MLLT6: variants seen among roughly 807,000 people sequenced by gnomAD.
The protein encoded by MLLT6 is protein AF-17.
MLLT6 carries 22 observed loss-of-function variants against 103.0 expected under a neutral mutation model. The observed-to-expected ratio is 0.21, with a 90% CI of 0.15 to 0.31. The LOEUF is 0.31. Among genes scored for constraint, MLLT6 ranks in the 10% least tolerant of loss-of-function variants. The probability of loss-of-function intolerance (pLI) is 1.00; values close to 1 mark genes in which losing one functional copy is unlikely to be tolerated. For missense variants in MLLT6, 1,199 were observed against 1,441.7 expected (o/e 0.83, Z 2.73); for synonymous variants, 606 against 623.5 (o/e 0.97, Z 0.42).
In MLLT6 at chr17:38,716,273, G is replaced by C; in HGVS notation, c.1037-94G>C. On this transcript the variant is annotated intron_variant, in intron 9 of 19. Coordinates refer to ENST00000621332, the MANE Select transcript of MLLT6 (RefSeq NM_005937.4). This position sits in a 1 kb window ranked among gnomAD's most constrained non-coding sequence, Gnocchi z 5.6. ...GACAGGAAACCAGGCATCCCCATTC[G>C]TGGACCAGAGCTCTCTCCCGCCAGT... 7.5e-7 allele frequency: 1 copy of C among 1,341,928 alleles called. No individual in the cohort carries two copies. Among genetic ancestry groups the C allele is most frequent in the Non-Finnish European group, 1.0e-6 (1 of 970,276 alleles). The allele number at this position is 1,341,928 out of a possible 1,614,324, so 83.1% of individuals were successfully genotyped here.
At chr17:38,706,631 C>G (rs777250132) in intron 1 of MLLT6, 12 of 274,210 alleles carry the variant, frequency 4.4e-5, no homozygotes, top group Non-Finnish European at 6.1e-5. Context: ...CTGGTTTTCT[C>G]TATTTCTGAT....
rs1178224781 is a variant in MLLT6 at position 38,716,824 on chromosome 17, G to C, written c.1494G>C (p.Leu498Phe). 1.2e-6 allele frequency: 2 copies of C among 1,612,208 alleles called. No individual in the cohort carries two copies. The highest frequency in any genetic ancestry group is 1.7e-6 in the Non-Finnish European group (2 of 1,179,166). ...EGTGGPAAPS[L>F]PSAQLAGFTA... ...CTGGGGGCCCAGCTGCCCCATCCTT[G>C]CCCAGTGCCCAGCTGGCTGGCTTTA... Residue 498 changes from leucine (L) to phenylalanine (F), a missense_variant, in exon 10 of 20, where the codon TTG becomes TTC. Physicochemically the swap from Leu to Phe is conservative, Grantham distance 22. Transcript: ENST00000621332. The surrounding 1 kb of genome is among the most constrained non-coding windows in gnomAD (Gnocchi z 5.6).
chr17:38,710,236 A>G lies in MLLT6; in HGVS notation c.552+661A>G, dbSNP rs546206749. Among the ~76,000 whole-genome samples the G allele has an allele frequency of 1.4e-4, 22 of 152,286 alleles. No homozygotes were observed. The East Asian group carries it at 4.2e-3, about 29-fold the overall frequency. ...GAAGAGGCAGGAGATGAAGTGAGAA[A>G]GCAGAGCCCGAGCTGGGCTTGCCTC... is the stretch of plus-strand genomic sequence containing the variant. On this transcript the variant is annotated intron_variant, in intron 6 of 19. Coordinates refer to ENST00000621332, the MANE Select transcript of MLLT6 (RefSeq NM_005937.4).
At chr17:38,713,249 C>A in intron 8 of MLLT6, 1 of 512,606 alleles carries the variant, frequency 2.0e-6, no homozygotes, top group Non-Finnish European at 3.5e-6. Flanking sequence ...GCATGGGGGG[C>A]AGGCCCCTGG....
At position 38,705,547 on chromosome 17, in the gene MLLT6, C is replaced by T. The variant is rs1187880440; in HGVS notation, c.-86C>T. On this transcript the variant is annotated 5_prime_UTR_variant, in exon 1 of 20. Transcript: ENST00000621332. ...GAGGAGGAGGGGGCGAGGAGGCGCG[C>T]GGCCCCCCGCTCCCTCCCTCCCCCC... is the stretch of plus-strand genomic sequence containing the variant. 3.7e-6 allele frequency: 2 copies of T among 535,982 alleles called. No homozygotes were observed. Among genetic ancestry groups the T allele is most frequent in the Non-Finnish European group, 6.4e-6 (2 of 312,356 alleles). 33.2% of individuals were successfully genotyped at this position (535,982 alleles called of 1,614,324 possible).
chr17:38,717,501 C>A lies in MLLT6; in HGVS notation c.1721C>A (p.Pro574His). ...ATGCTGCGGGCTGTCTGCAGCACCCCTCTCTCCTCCAGCCTCCTGGGGCCC... is the reference window on the plus strand; with the variant it reads ...ATGCTGCGGGCTGTCTGCAGCACCCATCTCTCCTCCAGCCTCCTGGGGCCC... Reference protein sequence around the residue: ...GGMLRAVCSTPLSSSLLGPPG... With the variant: ...GGMLRAVCSTHLSSSLLGPPG... The change falls in exon 11 of 20, where the codon CCT (proline) becomes CAT (histidine). Residue 574 changes from proline to histidine, a missense_variant. By Grantham distance (77) the Pro-to-His change is moderately conservative. Around this residue, in one of 7 missense-constraint regions of MLLT6, gnomAD observed 1,034 missense variants for 1,091.5 expected, o/e 0.95. Transcript: ENST00000621332. 2 of 1,613,322 alleles carry A rather than the reference C, an allele frequency of 1.2e-6. No homozygotes were observed. The highest frequency in any genetic ancestry group is 1.7e-6 in the Non-Finnish European group (2 of 1,179,932).
chr17:38,715,348 A>G, intron 8 of MLLT6: 3 of 452,926 alleles, frequency 6.6e-6, no homozygotes, highest in Non-Finnish European at 7.7e-6. Context: ...CTTGGCTTCC[A>G]TCTTCCCTGC....
At chr17:38,707,058 C>G (rs887315875) in intron 2 of MLLT6, 29 bp downstream of exon 2, 1 of 1,575,060 alleles carries the variant, frequency 6.3e-7, no homozygotes, top group African/African-American at 1.3e-5. Context: ...CTCTCCACTC[C>G]CCTGCCCCTC....
intron 4 of MLLT6, among the ~76,000 whole-genome samples, chr17:38,708,713 T>G (rs1457983563): frequency 2.0e-5 from 3 of 152,086 alleles, no homozygotes; most frequent in Non-Finnish European, 4.4e-5. Flanking sequence ...CTGGTCAACA[T>G]GATGAGACCC....
At position 38,716,860 on chromosome 17, in the gene MLLT6, TGCC is replaced by T; in HGVS notation, c.1531_1533del (p.Ala511del). 1.2e-6 allele frequency: 2 copies of T among 1,613,636 alleles called. No homozygotes were observed. The highest frequency in any genetic ancestry group is 1.7e-6 in the Non-Finnish European group (2 of 1,179,766). On this transcript the variant is annotated inframe_deletion, in exon 10 of 20. Transcript: ENST00000621332. This position sits in a 1 kb window ranked among gnomAD's most constrained non-coding sequence, Gnocchi z 5.6. ...AGCTGGCTGGCTTTACCGCCACTGC[TGCC>T]TCACCCTTCTCTGGAGGTTCCCTGG... is the stretch of plus-strand genomic sequence containing the variant.
rs567553385 is a variant in MLLT6, at chr17:38,727,037, G to A, written c.*1439G>A. 1.7e-5 allele frequency: 4 copies of A among 233,732 alleles called. No homozygotes were observed. Among genetic ancestry groups the A allele is most frequent in the Middle Eastern group, 1.3e-3 (1 of 786 alleles). 14.5% of individuals were successfully genotyped at this position (233,732 alleles called of 1,614,324 possible). ...AGTTGCACTGGGGTTGGAGCCCAGG[G>A]TAGGGGTTTCCAGCTTCCCCAGGCT... On this transcript the variant is annotated 3_prime_UTR_variant, in exon 20 of 20. Transcript: ENST00000621332.
At chr17:38,706,891 C>G in intron 1 of MLLT6, 59 bp from the exon 2 acceptor site, 1 of 1,455,746 alleles carries the variant, frequency 6.9e-7, no homozygotes, top group Non-Finnish European at 9.5e-7. Flanking sequence ...CCCCCAGTTA[C>G]CCTGGGAAAA....
At chr17:38,713,412 G>A in intron 8 of MLLT6, 1 of 271,980 alleles carries the variant, frequency 3.7e-6, no homozygotes, top group Non-Finnish European at 6.9e-6. Flanking sequence ...AGCCCTCCCT[G>A]CTCCCTACAA....
chr17:38,726,030 G>A lies in MLLT6; in HGVS notation c.*432G>A, dbSNP rs1418717789. 6 of 247,956 alleles carry A rather than the reference G, an allele frequency of 2.4e-5. No homozygotes were observed. Among genetic ancestry groups the A allele is most frequent in the African/African-American group, 1.3e-4 (6 of 45,798 alleles). 15.4% of individuals were successfully genotyped at this position (247,956 alleles called of 1,614,324 possible). The stretch of plus-strand genomic sequence containing the variant: ...TGCGGGGAAATCTTTTATGGAAGAA[G>A]GGCTGGACCCACTTTACCTGCAGTT... On this transcript the variant is annotated 3_prime_UTR_variant, in exon 20 of 20. Coordinates refer to ENST00000621332, the MANE Select transcript of MLLT6 (RefSeq NM_005937.4).
Position 38,709,303 on chromosome 17 carries a change from C to T in MLLT6, c.458+27C>T, listed in dbSNP as rs774036157. 41 of 1,591,896 alleles carry T rather than the reference C, an allele frequency of 2.6e-5. No individual in the cohort carries two copies. The highest frequency in any genetic ancestry group is 5.0e-5 in the Admixed American group (3 of 59,934). On this transcript the variant is annotated intron_variant, in intron 5 of 19. Coordinates refer to ENST00000621332, the MANE Select transcript of MLLT6 (RefSeq NM_005937.4). This position sits in a 1 kb window ranked among gnomAD's most constrained non-coding sequence, Gnocchi z 4.3. The stretch of plus-strand genomic sequence containing the variant: ...TGAGACCCCTGTCCCACCCCCCTGC[C>T]CCCCGGGTTTGTCCTGGATGGCCAC...
chr17:38,706,134 T>C (rs1180082875), intron 1 of MLLT6: 2 of 152,402 alleles, frequency 1.3e-5, no homozygotes, highest in Non-Finnish European at 1.5e-5. Flanking sequence ...TCATCCCCCC[T>C]CGCTTCCGGA....
intron 8 of MLLT6, chr17:38,713,886 AAG>A (rs1376858747): frequency 6.6e-6 from 1 of 152,320 alleles, no homozygotes; most frequent in Non-Finnish European, 1.5e-5. Context: ...AACAAAGAGG[AAG>A]ACAGAGACCA....
rs1905338147 is a variant in MLLT6 at position 38,716,250 on chromosome 17, C to T, written c.1037-117C>T. ...GACACAGACAGTGGCAGAGCTGAGA[C>T]AGGAAACCAGGCATCCCCATTCGTG... On this transcript the variant is annotated intron_variant, in intron 9 of 19. Coordinates refer to ENST00000621332, the MANE Select transcript of MLLT6 (RefSeq NM_005937.4). The surrounding 1 kb of genome is among the most constrained non-coding windows in gnomAD (Gnocchi z 5.6). 1.8e-6 allele frequency: 2 copies of T among 1,096,788 alleles called. No homozygotes were observed. The highest frequency in any genetic ancestry group is 3.2e-5 in the African/African-American group (2 of 62,888). 67.9% of individuals were successfully genotyped at this position (1,096,788 alleles called of 1,614,324 possible). A position where few individuals can be genotyped will look rare whatever the true frequency, so the allele number is the denominator to read the frequency against.
At chr17:38,708,807 A>C (rs558717750) in intron 4 of MLLT6, among the ~76,000 whole-genome samples, 1 of 152,298 alleles carries the variant, frequency 6.6e-6, no homozygotes, top group African/African-American at 2.4e-5. Context: ...AGGCAGGAGA[A>C]TCCCTGGAAC....
Sources: allele counts gnomAD v4.1 joint callset (sites outside exome capture counted in the v4.1 genomes callset), GRCh38; gene constraint gnomAD v4.1.1; regional missense constraint gnomAD v4.1.1; non-coding constraint Gnocchi (gnomAD v3.1); transcripts MANE v1.5; gene names NCBI Gene and HGNC (gene_info 2026-07-23, HGNC 2026-07-21).